OSBPL8: variants seen among roughly 807,000 people sequenced by gnomAD.
OSBPL8 encodes the protein oxysterol binding protein like 8, also known as oxysterol-binding protein-related protein 8.
A neutral mutation model predicts 125.5 loss-of-function variants in OSBPL8; 59 were observed. That is an observed-to-expected ratio of 0.47 (90% CI 0.38 to 0.58). OSBPL8 has a LOEUF of 0.58. OSBPL8 is among the 20% of genes least tolerant of loss of function. The probability of loss-of-function intolerance (pLI) is 0.00; values close to 1 mark genes in which losing one functional copy is unlikely to be tolerated. For missense variants in OSBPL8, 758 were observed against 1,047.8 expected (o/e 0.72, Z 3.82); for synonymous variants, 330 against 338.9 (o/e 0.97, Z 0.29).
chr12:76,363,692 CAA>C (rs1016663918), intron 21 of OSBPL8, among the ~76,000 whole-genome samples: 1 of 152,122 alleles, frequency 6.6e-6, no homozygotes, highest in Non-Finnish European at 1.5e-5. Context: ...TTCTGCACAG[CAA>C]AAGAGTCTGT....
At chr12:76,437,782 A>G (rs1218674169) in intron 4 of OSBPL8, among the ~76,000 whole-genome samples, 1 of 152,168 alleles carries the variant, frequency 6.6e-6, no homozygotes, top group Non-Finnish European at 1.5e-5. Flanking sequence ...TCCTATCGTA[A>G]ACATGGTCTG....
intron 1 of OSBPL8, among the ~76,000 whole-genome samples, chr12:76,552,848 A>G (rs1041441348): frequency 5.3e-5 from 8 of 152,176 alleles, no homozygotes; most frequent in African/African-American, 1.7e-4. Flanking sequence ...AAAATAGGTG[A>G]TAAGACAGAG....
At chr12:76,466,588 A>G (rs1875466124) in intron 2 of OSBPL8, among the ~76,000 whole-genome samples, 1 of 152,248 alleles carries the variant, frequency 6.6e-6, no homozygotes, top group African/African-American at 2.4e-5. Flanking sequence ...TAAGCGGTGC[A>G]ATAATCTTTT....
At chr12:76,364,301 C>A (rs1479051936) in intron 21 of OSBPL8, among the ~76,000 whole-genome samples, 1 of 152,164 alleles carries the variant, frequency 6.6e-6, no homozygotes, top group Non-Finnish European at 1.5e-5. Flanking sequence ...ATATATACAC[C>A]ATGGAATACT....
chr12:76,524,684 C>A (rs1296106256), intron 1 of OSBPL8, among the ~76,000 whole-genome samples: 2 of 139,094 alleles, frequency 1.4e-5, no homozygotes, highest in Non-Finnish European at 3.1e-5. Flanking sequence ...GATCTAATTA[C>A]TTTTTTTTTT....
chr12:76,447,453 T>C lies in OSBPL8; in HGVS notation c.217+3398A>G, dbSNP rs1038629212. ...TTTAACTTCTAGTTTACAGAAAATATAGAAGATACAGAAACAAATTAAGTA... is the reference window on the plus strand; with the variant it reads ...TTTAACTTCTAGTTTACAGAAAATACAGAAGATACAGAAACAAATTAAGTA... On this transcript the variant is annotated intron_variant, in intron 4 of 23. Coordinates refer to ENST00000261183, the MANE Select transcript of OSBPL8 (RefSeq NM_020841.5). Among the ~76,000 whole-genome samples, 14 of 152,304 alleles carry C rather than the reference T, an allele frequency of 9.2e-5. No homozygotes were observed. The East Asian group carries it at 2.1e-3, about 23-fold the overall frequency.
rs761279478 is a variant in OSBPL8, at chr12:76,375,421, T to C, written c.1730-51A>G. 127 of 1,235,364 alleles carry C rather than the reference T, an allele frequency of 1.0e-4. 1 individual carries two copies. Among genetic ancestry groups the C allele is most frequent in the South Asian group, 6.3e-4 (51 of 81,362 alleles). 76.5% of individuals were successfully genotyped at this position (1,235,364 alleles called of 1,614,324 possible). ...ATTGAAAAGAGTATAGTATAGTATATGGCTCACGATAAACAGTTTAGTAAT... is the reference window on the plus strand; with the variant it reads ...ATTGAAAAGAGTATAGTATAGTATACGGCTCACGATAAACAGTTTAGTAAT... On this transcript the variant is annotated intron_variant, in intron 16 of 23. Coordinates refer to ENST00000261183, the MANE Select transcript of OSBPL8 (RefSeq NM_020841.5).
intron 5 of OSBPL8, among the ~76,000 whole-genome samples, chr12:76,407,468 A>C (rs776439471): frequency 2.2e-4 from 33 of 152,112 alleles, no homozygotes; most frequent in Non-Finnish European, 4.0e-4. Flanking sequence ...GGCTGGTCTT[A>C]AACTCCTGAG....
At chr12:76,489,705 T>C (rs1160019397) in intron 1 of OSBPL8, among the ~76,000 whole-genome samples, 2 of 152,242 alleles carry the variant, frequency 1.3e-5, no homozygotes, top group Non-Finnish European at 2.9e-5. Context: ...AAAAGATTAA[T>C]GTTGTTTTCA....
intron 1 of OSBPL8, among the ~76,000 whole-genome samples, chr12:76,540,478 T>A (rs1416320288): frequency 1.4e-5 from 2 of 143,674 alleles, no homozygotes; most frequent in Non-Finnish European, 3.0e-5. Context: ...TTTAAAAAAA[T>A]TATATAGTCG....
In OSBPL8 at chr12:76,389,415, T is replaced by C. The variant is rs374203033; in HGVS notation, c.1352+230A>G. Among the ~76,000 whole-genome samples, 10 of 152,302 alleles carry C rather than the reference T, an allele frequency of 6.6e-5. No homozygotes were observed. In the East Asian group the frequency reaches 9.6e-4, roughly 15 times the overall value. On this transcript the variant is annotated intron_variant, in intron 12 of 23. Coordinates refer to ENST00000261183, the MANE Select transcript of OSBPL8 (RefSeq NM_020841.5). The stretch of plus-strand genomic sequence containing the variant: ...TGTTGTTGAGTAAAGGGTAGAATTC[T>C]TGTTTTCCTCGAGCTTATGATATCT...
chr12:76,386,044 G>A (rs1953294989), intron 14 of OSBPL8, 124 bp downstream of exon 14: 1 of 1,381,110 alleles, frequency 7.2e-7, no homozygotes, highest in Non-Finnish European at 9.7e-7. Flanking sequence ...AAGGTTAAAT[G>A]TTTACCAAAT....
chr12:76,480,909 T>C (rs183204081), intron 2 of OSBPL8, among the ~76,000 whole-genome samples: 1 of 152,200 alleles, frequency 6.6e-6, no homozygotes, highest in Non-Finnish European at 1.5e-5. Flanking sequence ...TTAAGGATCT[T>C]GATATAGGGC....
At chr12:76,484,310 G>A (rs1877890219) in intron 2 of OSBPL8, among the ~76,000 whole-genome samples, 1 of 151,988 alleles carries the variant, frequency 6.6e-6, no homozygotes, top group South Asian at 2.1e-4. Flanking sequence ...TGATCCCTAC[G>A]TTCATGTGCA....
chr12:76,390,887 C>G (rs1324759911), intron 10 of OSBPL8, among the ~76,000 whole-genome samples: 2 of 152,030 alleles, frequency 1.3e-5, no homozygotes, highest in East Asian at 3.9e-4. Context: ...AATTAAAAAC[C>G]TAGAGAAATG....
intron 1 of OSBPL8, among the ~76,000 whole-genome samples, chr12:76,508,635 C>T (rs1442418937): frequency 1.3e-5 from 2 of 152,210 alleles, no homozygotes; most frequent in Non-Finnish European, 1.5e-5. Flanking sequence ...ATAAAAGAAG[C>T]TGGCCAAATC....
At position 76,423,688 on chromosome 12, in the gene OSBPL8, T is replaced by C. The variant is rs567443357; in HGVS notation, c.218-13054A>G. Among the ~76,000 whole-genome samples, 3 of 152,266 alleles carry C rather than the reference T, an allele frequency of 2.0e-5. No homozygotes were observed. The East Asian group carries it at 5.8e-4, about 29-fold the overall frequency. ...TCTCCCAATTATACTAAAATCCATA[T>C]ACCTTACCCTACCTTAATTCAGATT... On this transcript the variant is annotated intron_variant, in intron 4 of 23. Transcript: ENST00000261183.
intron 2 of OSBPL8, among the ~76,000 whole-genome samples, chr12:76,476,276 G>T (rs921910037): frequency 1.1e-4 from 16 of 152,068 alleles, no homozygotes; most frequent in African/African-American, 3.9e-4. Context: ...ATTATTAAGA[G>T]AATATAAGCT....
At chr12:76,507,943 GGCAGA>G (rs894661112) in intron 1 of OSBPL8, among the ~76,000 whole-genome samples, 11 of 149,604 alleles carry the variant, frequency 7.4e-5, no homozygotes, top group Admixed American at 6.6e-4. Flanking sequence ...GGCTGAGGCA[GGCAGA>G]TCACCTGAGA....
Sources: gnomAD v4.1 joint callset for allele counts (sites outside exome capture counted in the v4.1 genomes callset) on GRCh38, gnomAD v4.1.1 for gene constraint, MANE v1.5 for transcripts, NCBI Gene and HGNC (gene_info 2026-07-23, HGNC 2026-07-21) for gene names.